ARHGAP19: variants seen among roughly 807,000 people sequenced by gnomAD.
ARHGAP19 encodes rho GTPase-activating protein 19.
Under a neutral mutation model 60.9 loss-of-function variants are expected in ARHGAP19, and 48 were observed. The observed-to-expected ratio is 0.79, with a 90% CI of 0.62 to 1.00. ARHGAP19 has a LOEUF of 1.00. ARHGAP19 is among the 50% of genes least tolerant of loss of function. ARHGAP19 has a pLI of 0.00. For synonymous variants in ARHGAP19, 209 were observed against 215.5 expected, an observed-to-expected ratio of 0.97 and a Z score of 0.27; for missense variants, 562 against 597.2, an observed-to-expected ratio of 0.94 and a Z score of 0.61.
chr10:97,243,219 G>T (rs971367171), intron 8 of ARHGAP19, among the ~76,000 whole-genome samples: 1 of 152,144 alleles, frequency 6.6e-6, no homozygotes, highest in Non-Finnish European at 1.5e-5. Flanking sequence ...CTTATGCTGA[G>T]AGTAGGTATA....
Position 97,263,718 on chromosome 10 carries a change from T to C in ARHGAP19, c.404-89A>G. On this transcript the variant is annotated intron_variant, in intron 3 of 11. Coordinates refer to ENST00000358531, the MANE Select transcript of ARHGAP19 (RefSeq NM_032900.6). ...AAATGGTCTAAAGACTACTTTACAC[T>C]TAAAAGACCCTTCACAAAGCCTTTC... is the stretch of plus-strand genomic sequence containing the variant. 3 of 1,318,272 alleles carry C rather than the reference T, an allele frequency of 2.3e-6. No homozygotes were observed. The East Asian group carries it at 7.1e-5, about 31-fold the overall frequency. 81.7% of individuals were successfully genotyped at this position (1,318,272 alleles called of 1,614,324 possible).
At chr10:97,259,771 C>G in intron 4 of ARHGAP19, 143 bp from the exon 5 acceptor site, 1 of 638,916 alleles carries the variant, frequency 1.6e-6, no homozygotes, top group Non-Finnish European at 2.8e-6. Context: ...AAGACTACAG[C>G]AAAACATAAT....
At chr10:97,251,461 A>G (rs1459769715) in intron 6 of ARHGAP19, among the ~76,000 whole-genome samples, 2 of 82,414 alleles carry the variant, frequency 2.4e-5, no homozygotes, top group Admixed American at 1.2e-4. Context: ...AGGGGAAGGG[A>G]AAAGGAAGGA....
At chr10:97,286,678 C>T (rs1396551805) in intron 1 of ARHGAP19, among the ~76,000 whole-genome samples, 1 of 152,222 alleles carries the variant, frequency 6.6e-6, no homozygotes, top group East Asian at 1.9e-4. Context: ...GAACCCTTTC[C>T]ACATCTTCAG....
chr10:97,254,706 A>T (rs1012391940), intron 6 of ARHGAP19, among the ~76,000 whole-genome samples: 4 of 152,196 alleles, frequency 2.6e-5, no homozygotes, highest in Non-Finnish European at 5.9e-5. Context: ...AAATTTTTTT[A>T]AATTTGCACA....
At chr10:97,271,922 C>T (rs1293667871) in intron 1 of ARHGAP19, among the ~76,000 whole-genome samples, 1 of 151,684 alleles carries the variant, frequency 6.6e-6, no homozygotes, top group African/African-American at 2.4e-5. Context: ...TACAGATTTT[C>T]TATTGTTAAA....
intron 8 of ARHGAP19, among the ~76,000 whole-genome samples, chr10:97,242,671 C>G (rs1226070524): frequency 6.6e-6 from 1 of 152,208 alleles, no homozygotes; most frequent in Non-Finnish European, 1.5e-5. Flanking sequence ...TGCCACCACA[C>G]TCAGCTGATT....
chr10:97,259,864 C>T (rs1185543576), intron 4 of ARHGAP19, among the ~76,000 whole-genome samples: 1 of 78,088 alleles, frequency 1.3e-5, no homozygotes, highest in Non-Finnish European at 3.0e-5. Context: ...GAGACAAAGT[C>T]TTGCTCTGTC....
At chr10:97,239,744 G>A (rs2134829626) in intron 8 of ARHGAP19, among the ~76,000 whole-genome samples, 1 of 151,388 alleles carries the variant, frequency 6.6e-6, no homozygotes, top group South Asian at 2.1e-4. Flanking sequence ...TTTCACTCTT[G>A]TTGCCCAGGC....
rs1589454561 is a variant in ARHGAP19 at position 97,249,929 on chromosome 10, G to C, written c.928-3592C>G. Among the ~76,000 whole-genome samples the C allele has an allele frequency of 2.0e-5, 3 of 151,710 alleles. No individual in the cohort carries two copies. In the South Asian group the frequency reaches 6.3e-4, roughly 32 times the overall value. On this transcript the variant is annotated intron_variant, in intron 6 of 11. Transcript: ENST00000358531. ...TTCTCCTGCCTCAGCCTCTCCCAGG[G>C]GCCTGCCACCGCGCCTGGCTAATTT...
chr10:97,290,426 T>A (rs1843216377), intron 1 of ARHGAP19, among the ~76,000 whole-genome samples: 1 of 152,162 alleles, frequency 6.6e-6, no homozygotes, highest in South Asian at 2.1e-4. Flanking sequence ...TGAACACCAG[T>A]CACTGGGTTC....
chr10:97,279,825 T>C (rs1438413628), intron 1 of ARHGAP19, among the ~76,000 whole-genome samples: 1 of 152,158 alleles, frequency 6.6e-6, no homozygotes, highest in Admixed American at 6.6e-5. Flanking sequence ...TAACCAAAAT[T>C]AAACTGGCAA....
chr10:97,253,541 G>A (rs756604792), intron 6 of ARHGAP19, among the ~76,000 whole-genome samples: 3 of 152,154 alleles, frequency 2.0e-5, no homozygotes, highest in African/African-American at 4.8e-5. Context: ...CAAACATGTA[G>A]TGAGATAGAA....
At chr10:97,239,555 T>C (rs1310877492) in intron 8 of ARHGAP19, among the ~76,000 whole-genome samples, 3 of 4,560 alleles carry the variant, frequency 6.6e-4, no homozygotes, top group African/African-American at 1.2e-3. Flanking sequence ...AGAGAGGGTG[T>C]GTGTGTGTGT....
At position 97,229,887 on chromosome 10, in the gene ARHGAP19, C is replaced by T; in HGVS notation, c.1285-13G>A. 1 of 1,562,668 alleles carries T rather than the reference C, an allele frequency of 6.4e-7. No homozygotes were observed. The highest frequency in any genetic ancestry group is 8.8e-7 in the Non-Finnish European group (1 of 1,140,536). On this transcript the variant is annotated splice_polypyrimidine_tract_variant and intron_variant, in intron 9 of 11. Transcript: ENST00000358531. ...CCAGGACCTTCCGCTGATTTAAGAA[C>T]AGAAAACATTTGATTTATAAACACC...
intron 6 of ARHGAP19, among the ~76,000 whole-genome samples, chr10:97,253,214 C>A (rs1476745937): frequency 1.3e-5 from 2 of 151,878 alleles, no homozygotes; most frequent in Non-Finnish European, 2.9e-5. Flanking sequence ...CCTGTCTCTA[C>A]CAAAAATACA....
intron 8 of ARHGAP19, 90 bp downstream of exon 8, chr10:97,243,878 T>G: frequency 7.7e-7 from 1 of 1,303,714 alleles, no homozygotes; most frequent in Non-Finnish European, 1.0e-6. Context: ...AACCAAAAAT[T>G]AAATGAGATT....
intron 6 of ARHGAP19, among the ~76,000 whole-genome samples, chr10:97,252,122 GT>G (rs1842692189): frequency 6.6e-6 from 1 of 151,984 alleles, no homozygotes; most frequent in African/African-American, 2.4e-5. Flanking sequence ...ACTAGTAATA[GT>G]TAAGAAGAAT....
chr10:97,257,245 A>G (rs899684132), intron 5 of ARHGAP19, among the ~76,000 whole-genome samples: 1 of 147,590 alleles, frequency 6.8e-6, no homozygotes, highest in African/African-American at 2.5e-5. Context: ...CATTTTCAAC[A>G]TGTATCTTTG....
Sources: gnomAD v4.1 joint callset for allele counts (sites outside exome capture counted in the v4.1 genomes callset) on GRCh38, gnomAD v4.1.1 for gene constraint, MANE v1.5 for transcripts, NCBI Gene and HGNC (gene_info 2026-07-23, HGNC 2026-07-21) for gene names.